The following MICAL3 variants were observed in gnomAD, a reference collection of about 807,000 sequenced individuals.
MICAL3 encodes microtubule associated monooxygenase, calponin and LIM domain containing 3, also known as [F-actin]-monooxygenase MICAL3.
Under a neutral mutation model 207.4 loss-of-function variants are expected in MICAL3, and 62 were observed. The observed-to-expected ratio is 0.30, with a 90% CI of 0.24 to 0.37. MICAL3 has a LOEUF of 0.37. Among genes scored for constraint, MICAL3 ranks in the 10% least tolerant of loss-of-function variants. The pLI is 1.00. For missense variants in MICAL3, 2,368 were observed against 2,635.6 expected, an observed-to-expected ratio of 0.90 and a Z score of 2.22; for synonymous variants, 1,077 against 1,069.3, an observed-to-expected ratio of 1.01 and a Z score of -0.14.
chr22:17,906,067 C>T (rs1373471886), intron 2 of MICAL3, among the ~76,000 whole-genome samples: 1 of 152,178 alleles, frequency 6.6e-6, no homozygotes, highest in Admixed American at 6.5e-5. Context: ...AGACAGGATA[C>T]CAGCAGGGCT....
rs1023153247 is a variant in MICAL3, at chr22:17,881,097, G to A, written c.2241+4781C>T. ...GTTTCTACGCATAGCCTTTCTTCTT[G>A]ATAGTTATTGCTGGTAAGAGGGAAA... On this transcript the variant is annotated intron_variant, in intron 16 of 31. Transcript: ENST00000441493. 5 of 957,894 alleles carry A rather than the reference G, an allele frequency of 5.2e-6. No homozygotes were observed. In the African/African-American group the frequency reaches 6.6e-5, roughly 13 times the overall value. 59.3% of individuals were successfully genotyped at this position (957,894 alleles called of 1,614,324 possible). A position where few individuals can be genotyped will look rare whatever the true frequency, so the allele number is the denominator to read the frequency against.
At chr22:17,855,549 C>T (rs1424958349) in intron 19 of MICAL3, among the ~76,000 whole-genome samples, 1 of 152,212 alleles carries the variant, frequency 6.6e-6, no homozygotes, top group African/African-American at 2.4e-5. Flanking sequence ...GGAGGAAGGG[C>T]TTACTCTTCA....
At chr22:17,797,244 G>C (rs1393108535) in intron 29 of MICAL3, among the ~76,000 whole-genome samples, 1 of 152,164 alleles carries the variant, frequency 6.6e-6, no homozygotes, top group Non-Finnish European at 1.5e-5. Flanking sequence ...GCTCACACCT[G>C]TGATCCCAGC....
At chr22:17,962,124 C>G (rs1330683070) in intron 1 of MICAL3, among the ~76,000 whole-genome samples, 1 of 152,188 alleles carries the variant, frequency 6.6e-6, no homozygotes, top group Non-Finnish European at 1.5e-5. Context: ...TGCTTGCTGA[C>G]TGCACATATC....
At chr22:17,799,926 C>CGT (rs1273467614) in intron 29 of MICAL3, among the ~76,000 whole-genome samples, 3 of 150,094 alleles carry the variant, frequency 2.0e-5, no homozygotes, top group Admixed American at 6.6e-5. Flanking sequence ...CACACACACG[C>CGT]GCGCTGGGAA....
At chr22:17,998,438 C>T (rs74981226) in intron 1 of MICAL3, among the ~76,000 whole-genome samples, 2,196 of 133,992 alleles carry the variant, frequency 0.016, 21 homozygotes, top group African/African-American at 0.033. Context: ...TAAACTTTAA[C>T]GACTTCAGAG....
intron 1 of MICAL3, among the ~76,000 whole-genome samples, chr22:17,975,887 C>T (rs557963610): frequency 2.0e-5 from 3 of 152,220 alleles, no homozygotes; most frequent in Admixed American, 2.0e-4. Flanking sequence ...CCCATCTCTA[C>T]TAAAAATACA....
At chr22:17,977,438 A>T (rs1053406554) in intron 1 of MICAL3, among the ~76,000 whole-genome samples, 2 of 152,170 alleles carry the variant, frequency 1.3e-5, no homozygotes, top group African/African-American at 4.8e-5. Context: ...AGACGCCAAT[A>T]AGCACATGAA....
At position 17,788,165 on chromosome 22, in the gene MICAL3, G is replaced by C. The variant is rs1375529855; in HGVS notation, c.*2567C>G. The C allele has an allele frequency of 6.6e-6, 1 of 152,270 alleles. No individual in the cohort carries two copies. Among genetic ancestry groups the C allele is most frequent in the Non-Finnish European group, 1.5e-5 (1 of 68,046 alleles). 9.4% of individuals were successfully genotyped at this position (152,270 alleles called of 1,614,324 possible). A position where few individuals can be genotyped will look rare whatever the true frequency, so the allele number is the denominator to read the frequency against. ...GAGTACTCAAGTCAACCGCAAACTA[G>C]TGGTTACAAAATGGGAGCTTTAAAA... On this transcript the variant is annotated 3_prime_UTR_variant, in exon 32 of 32. Coordinates refer to ENST00000441493, the MANE Select transcript of MICAL3 (RefSeq NM_015241.3).
intron 19 of MICAL3, chr22:17,860,598 C>G (rs1926415560): frequency 1.0e-6 from 1 of 985,406 alleles, no homozygotes; most frequent in Admixed American, 6.1e-5. Flanking sequence ...GCTGAAGATG[C>G]ACTAACCACC....
chr22:17,830,211 A>G (rs1922651275), intron 21 of MICAL3, among the ~76,000 whole-genome samples: 1 of 152,144 alleles, frequency 6.6e-6, no homozygotes, highest in African/African-American at 2.4e-5. Flanking sequence ...AGCGCGATCA[A>G]GCAGGGAGGG....
intron 1 of MICAL3, among the ~76,000 whole-genome samples, chr22:17,952,460 G>A (rs1216355589): frequency 6.6e-6 from 1 of 152,216 alleles, no homozygotes; most frequent in African/African-American, 2.4e-5. Context: ...TGGAGTTGAG[G>A]AGGCCGAACT....
At chr22:17,921,367 T>C (rs1344439403) in intron 1 of MICAL3, among the ~76,000 whole-genome samples, 1 of 152,252 alleles carries the variant, frequency 6.6e-6, no homozygotes. Context: ...GGCATAGAAC[T>C]GTCTCCCGGG....
At chr22:17,890,475 T>G (rs919276861) in intron 12 of MICAL3, among the ~76,000 whole-genome samples, 1 of 152,094 alleles carries the variant, frequency 6.6e-6, no homozygotes, top group South Asian at 2.1e-4. Context: ...CTACCCCCTT[T>G]CTTTGGCAGG....
At chr22:18,001,100 T>A (rs1438314134) in intron 1 of MICAL3, 1 of 152,132 alleles carries the variant, frequency 6.6e-6, no homozygotes, top group Non-Finnish European at 1.5e-5. Flanking sequence ...TGGCCACGCA[T>A]CCTCCGGCGG....
intron 1 of MICAL3, among the ~76,000 whole-genome samples, chr22:17,946,761 G>C (rs1919813247): frequency 6.6e-6 from 1 of 152,222 alleles, no homozygotes; most frequent in South Asian, 2.1e-4. Context: ...CTGCTCCAAA[G>C]CCATTCTACT....
intron 1 of MICAL3, among the ~76,000 whole-genome samples, chr22:17,943,223 C>T (rs1933893483): frequency 6.6e-6 from 1 of 152,118 alleles, no homozygotes; most frequent in East Asian, 1.9e-4. Flanking sequence ...AGTGCAATGG[C>T]GCGATTTCAG....
intron 19 of MICAL3, among the ~76,000 whole-genome samples, chr22:17,848,402 G>A (rs970615683): frequency 4.6e-5 from 7 of 152,194 alleles, no homozygotes; most frequent in Non-Finnish European, 8.8e-5. Flanking sequence ...TGGCTGTTCC[G>A]AAACATTCGG....
chr22:17,950,064 G>T (rs1934256463), intron 1 of MICAL3, among the ~76,000 whole-genome samples: 1 of 152,220 alleles, frequency 6.6e-6, no homozygotes, highest in African/African-American at 2.4e-5. Flanking sequence ...AGTGTGGGCA[G>T]TGTGTCATCA....
Sources: allele counts gnomAD v4.1 joint callset (sites outside exome capture counted in the v4.1 genomes callset), GRCh38; gene constraint gnomAD v4.1.1; transcripts MANE v1.5; gene names NCBI Gene and HGNC (gene_info 2026-07-23, HGNC 2026-07-21).